The following CAMK1G variants were observed in gnomAD, a reference collection of about 807,000 sequenced individuals.
The protein encoded by CAMK1G is calcium/calmodulin dependent protein kinase IG, also known as calcium/calmodulin-dependent protein kinase type 1G.
In CAMK1G, 27 loss-of-function variants were observed where a neutral mutation model predicts 54.8. That is an observed-to-expected ratio of 0.49 (90% CI 0.36 to 0.68). The LOEUF (loss-of-function observed/expected upper bound fraction) is 0.68, where lower values mean the gene tolerates loss of function less well. Ranked by LOEUF, CAMK1G falls within the 30% of genes least tolerant of loss-of-function variation. The pLI, the probability that CAMK1G is intolerant of heterozygous loss-of-function variation, is 0.00. For missense variants in CAMK1G, 512 were observed against 591.0 expected (o/e 0.87, Z 1.39); for synonymous variants, 238 against 224.9 (o/e 1.06, Z -0.52).
In CAMK1G at chr1:209,611,936, A is replaced by G. The variant is rs1267124286; in HGVS notation, c.1060A>G (p.Thr354Ala). 6.2e-7 allele frequency: 1 copy of G among 1,614,232 alleles called. No homozygotes were observed. Among genetic ancestry groups the G allele is most frequent in the Non-Finnish European group, 8.5e-7 (1 of 1,180,032 alleles). ...CTCTAGACCCAGCTCCCCTGAGATC[A>G]CCATCACCGAGGCACCTGTCCTGGA... ...ETSRPSSPEI[T>A]ITEAPVLDHS... Residue 354 changes from threonine to alanine, a missense_variant, in exon 11 of 13, where the codon ACC (threonine) becomes GCC (alanine). Thr to Ala is a moderately conservative substitution (Grantham distance 58, BLOSUM62 0). Transcript: ENST00000361322.
chr1:209,596,614 G>A (rs977836640), intron 2 of CAMK1G, among the ~76,000 whole-genome samples: 5 of 151,168 alleles, frequency 3.3e-5, no homozygotes, highest in South Asian at 2.1e-4. Flanking sequence ...TAAATTCAAC[G>A]TTGTTAACAT....
chr1:209,591,886 C>G lies in CAMK1G; in HGVS notation c.-29-3069C>G, dbSNP rs935381099. Among the ~76,000 whole-genome samples, 7 of 152,182 alleles carry G rather than the reference C, an allele frequency of 4.6e-5. No individual in the cohort carries two copies. The East Asian group carries it at 1.2e-3, about 25-fold the overall frequency. On this transcript the variant is annotated intron_variant, in intron 1 of 12. Transcript: ENST00000361322. ...CCTGAAAAGCCCTGGTCATCACCGT[C>G]TCTTCTCACCAACCCCAGCCAGCTG...
chr1:209,588,154 G>A (rs1273258516), intron 1 of CAMK1G, among the ~76,000 whole-genome samples: 1 of 152,192 alleles, frequency 6.6e-6, no homozygotes, highest in Non-Finnish European at 1.5e-5. Flanking sequence ...CCAGCAAAAG[G>A]AGGGTGGCTC....
intron 1 of CAMK1G, among the ~76,000 whole-genome samples, chr1:209,594,230 A>C (rs1010408375): frequency 3.3e-5 from 5 of 152,144 alleles, no homozygotes; most frequent in Non-Finnish European, 2.9e-5. Flanking sequence ...TTGTAACTGT[A>C]CACGTATGAC....
rs1665022805 is a variant in CAMK1G at position 209,583,771 on chromosome 1, G to A, written c.-31G>A. The A allele has an allele frequency of 6.6e-6, 1 of 152,240 alleles. No individual in the cohort carries two copies. The highest frequency in any genetic ancestry group is 2.4e-5 in the African/African-American group (1 of 41,436). 9.4% of individuals were successfully genotyped at this position (152,240 alleles called of 1,614,324 possible). A position where few individuals can be genotyped will look rare whatever the true frequency, so the allele number is the denominator to read the frequency against. ...CAAGCAGGATTCTTCCCGAGTCCCT[G>A]GGTAAGACAACCCTGCTTCTTTTCT... On this transcript the variant is annotated splice_region_variant and 5_prime_UTR_variant, in exon 1 of 13. Transcript: ENST00000361322.
In CAMK1G at chr1:209,611,395, C is replaced by T. The variant is rs867283706; in HGVS notation, c.828-70C>T. 1.3e-5 allele frequency: 19 copies of T among 1,419,244 alleles called. No individual in the cohort carries two copies. In the African/African-American group the frequency reaches 2.3e-4, roughly 17 times the overall value. The allele number at this position is 1,419,244 out of a possible 1,614,324, so 87.9% of individuals were successfully genotyped here. ...CCCAGCTCTCACCTAGACCTGCAGG[C>T]ACCCTGCCCACTCCCTGGATGAGTG... On this transcript the variant is annotated intron_variant, in intron 9 of 12. Transcript: ENST00000361322.
intron 1 of CAMK1G, chr1:209,584,066 A>T (rs899629441): frequency 2.0e-5 from 3 of 152,202 alleles, no homozygotes; most frequent in Non-Finnish European, 4.4e-5. Flanking sequence ...AAATATCTTC[A>T]TGTGCCCCTC....
chr1:209,605,076 A>C (rs182610580), intron 4 of CAMK1G, among the ~76,000 whole-genome samples: 19 of 152,288 alleles, frequency 1.2e-4, no homozygotes, highest in Admixed American at 2.0e-4. Context: ...TATGAAGCCC[A>C]ATTTCCCAAA....
intron 1 of CAMK1G, among the ~76,000 whole-genome samples, chr1:209,590,764 G>A (rs538808865): frequency 1.2e-4 from 18 of 152,014 alleles, no homozygotes; most frequent in Non-Finnish European, 2.4e-4. Flanking sequence ...GCACATAGGC[G>A]GCTGATTTTG....
At chr1:209,589,923 AT>A (rs1665203365) in intron 1 of CAMK1G, among the ~76,000 whole-genome samples, 1 of 152,130 alleles carries the variant, frequency 6.6e-6, no homozygotes, top group African/African-American at 2.4e-5. Flanking sequence ...GCTAGGAGCC[AT>A]TTTTGCAGAA....
chr1:209,590,968 G>A (rs1277491244), intron 1 of CAMK1G, among the ~76,000 whole-genome samples: 1 of 151,032 alleles, frequency 6.6e-6, no homozygotes, highest in Non-Finnish European at 1.5e-5. Context: ...TTTTCTTTTT[G>A]CAGCCTGTAA....
intron 1 of CAMK1G, among the ~76,000 whole-genome samples, chr1:209,586,926 A>G (rs1405572713): frequency 6.6e-6 from 1 of 152,128 alleles, no homozygotes; most frequent in Admixed American, 6.5e-5. Context: ...ATGGCTTGTC[A>G]CTGCAGCAGG....
At chr1:209,611,766 C>T in intron 10 of CAMK1G, 26 bp from the exon 11 acceptor site, 1 of 1,607,470 alleles carries the variant, frequency 6.2e-7, no homozygotes, top group South Asian at 1.1e-5. Context: ...TGCAGAAGGC[C>T]AGAGGCTGCT....
At chr1:209,584,215 A>C (rs1665036872) in intron 1 of CAMK1G, among the ~76,000 whole-genome samples, 1 of 152,076 alleles carries the variant, frequency 6.6e-6, no homozygotes, top group Admixed American at 6.5e-5. Context: ...GACCCCATCC[A>C]TCAAATAAAG....
chr1:209,612,959 A>G (rs947667279), intron 12 of CAMK1G, 47 bp downstream of exon 12: 1 of 1,002,704 alleles, frequency 1.0e-6, no homozygotes, highest in Non-Finnish European at 1.6e-6. Flanking sequence ...TCTGTCCCAG[A>G]GGAGAGCCCC....
intron 8 of CAMK1G, among the ~76,000 whole-genome samples, chr1:209,609,486 C>G (rs565552108): frequency 3.4e-4 from 52 of 152,262 alleles, no homozygotes; most frequent in African/African-American, 1.2e-3. Context: ...ATTGTTGGAC[C>G]TGTTAAGTGG....
At chr1:209,609,220 A>C (rs1665721961) in intron 8 of CAMK1G, 128 bp downstream of exon 8, 2 of 1,059,000 alleles carry the variant, frequency 1.9e-6, no homozygotes, top group Admixed American at 5.0e-5. Context: ...ACAGGCTGCC[A>C]AGGAAAGTGG....
chr1:209,588,354 A>AT (rs1665156474), intron 1 of CAMK1G, among the ~76,000 whole-genome samples: 1 of 147,094 alleles, frequency 6.8e-6, no homozygotes, highest in Admixed American at 6.8e-5. Flanking sequence ...GTGGAGCGGA[A>AT]TGGATTGGAT....
At chr1:209,586,112 C>T (rs974657229) in intron 1 of CAMK1G, among the ~76,000 whole-genome samples, 1 of 152,192 alleles carries the variant, frequency 6.6e-6, no homozygotes, top group Non-Finnish European at 1.5e-5. Flanking sequence ...TGTACTCTAT[C>T]CCTGGTAGGG....
Sources: gnomAD v4.1 joint callset for allele counts (sites outside exome capture counted in the v4.1 genomes callset) on GRCh38, gnomAD v4.1.1 for gene constraint, MANE v1.5 for transcripts, NCBI Gene and HGNC (gene_info 2026-07-23, HGNC 2026-07-21) for gene names.